The following ARIH2 variants were observed in gnomAD, a reference collection of about 807,000 sequenced individuals.
ARIH2 encodes the protein E3 ubiquitin-protein ligase ARIH2.
ARIH2 carries 12 observed loss-of-function variants against 79.8 expected under a neutral mutation model. The ratio of observed to expected loss-of-function variants is 0.15; its 90% CI spans 0.10 to 0.24. ARIH2 has a LOEUF of 0.24. Among genes scored for constraint, ARIH2 ranks in the 10% least tolerant of loss-of-function variants. The pLI, the probability that ARIH2 is intolerant of heterozygous loss-of-function variation, is 1.00. For missense variants in ARIH2, 301 were observed against 618.3 expected (o/e 0.49, Z 5.44); for synonymous variants, 224 against 213.9 (o/e 1.05, Z -0.41).
intron 5 of ARIH2, among the ~76,000 whole-genome samples, chr3:48,965,469 T>G (rs1470134028): frequency 6.6e-6 from 1 of 152,200 alleles, no homozygotes; most frequent in East Asian, 1.9e-4. Context: ...TCCTTATAGA[T>G]AGGGACTAAG....
intron 3 of ARIH2, among the ~76,000 whole-genome samples, chr3:48,952,407 A>G (rs1055133073): frequency 3.3e-5 from 5 of 152,210 alleles, no homozygotes; most frequent in Non-Finnish European, 7.3e-5. Flanking sequence ...TGGGTTTTAA[A>G]CAAGGTAGGA....
chr3:48,940,808 A>AAAAAAAAT lies in ARIH2; in HGVS notation c.255+12996_255+12997insAAAAAATA, dbSNP rs759369585. 2.7e-4 allele frequency among the ~76,000 whole-genome samples: 26 copies of AAAAAAAAT among 98,034 alleles called. 1 individual carries two copies. The highest frequency in any genetic ancestry group is 9.0e-4 in the African/African-American group (22 of 24,318). 64.3% of individuals were successfully genotyped at this position (98,034 alleles called of 152,430 possible). A position where few individuals can be genotyped will look rare whatever the true frequency, so the allele number is the denominator to read the frequency against. ...AGACTCCGTCTCAAAAAAAAAAAAAAATATATATATATATATATATAGCCA... is the reference window on the plus strand; with the variant it reads ...AGACTCCGTCTCAAAAAAAAAAAAAAAAAAAAATATATATATATATATATATATAGCCA... On this transcript the variant is annotated intron_variant, in intron 3 of 15. Transcript: ENST00000356401.
intron 5 of ARIH2, among the ~76,000 whole-genome samples, 186 bp downstream of exon 5, chr3:48,965,168 C>CA (rs1423723326): frequency 6.7e-6 from 1 of 149,658 alleles, no homozygotes; most frequent in Non-Finnish European, 1.5e-5. Context: ...TCCTGGCTAA[C>CA]ACGGTGAAAC....
At chr3:48,973,653 C>T (rs955414184) in intron 8 of ARIH2, 46 bp from the exon 9 acceptor site, 3 of 1,439,158 alleles carry the variant, frequency 2.1e-6, no homozygotes, top group Admixed American at 3.5e-5. Context: ...GAACATGGGA[C>T]CCTGACTTAA....
chr3:48,959,747 T>C (rs1398189629), intron 3 of ARIH2, among the ~76,000 whole-genome samples: 1 of 146,974 alleles, frequency 6.8e-6, no homozygotes, highest in Non-Finnish European at 1.5e-5. Flanking sequence ...GAGACCCCCA[T>C]CCTGAGTGAA....
chr3:48,922,428 C>G (rs1037540005), intron 1 of ARIH2: 5 of 151,952 alleles, frequency 3.3e-5, no homozygotes, highest in Non-Finnish European at 7.4e-5. Flanking sequence ...CTCAGCCTTC[C>G]GAGTAGCTGG....
chr3:48,977,361 A>G (rs934314820), intron 11 of ARIH2, among the ~76,000 whole-genome samples: 1 of 151,738 alleles, frequency 6.6e-6, no homozygotes, highest in Admixed American at 6.6e-5. Context: ...GGCTGAGTGC[A>G]GTGGTGCGAT....
chr3:48,964,643 A>G (rs571861147), intron 4 of ARIH2, among the ~76,000 whole-genome samples: 1 of 152,278 alleles, frequency 6.6e-6, no homozygotes, highest in South Asian at 2.1e-4. Flanking sequence ...ATTATCTTCC[A>G]GCTTATGGCT....
chr3:48,974,903 T>A, intron 10 of ARIH2, 36 bp downstream of exon 10: 1 of 1,614,170 alleles, frequency 6.2e-7, no homozygotes, highest in South Asian at 1.1e-5. Context: ...ATGTGTGACA[T>A]GGAAGCTTTG....
chr3:48,940,808 A>AATAT (rs1553702240), intron 3 of ARIH2, among the ~76,000 whole-genome samples: 4,218 of 97,788 alleles, frequency 0.043, 190 homozygotes, highest in African/African-American at 0.052. Flanking sequence ...AAAAAAAAAA[A>AATAT]ATATATATAT....
chr3:48,944,974 C>T (rs2088911006), intron 3 of ARIH2: 2 of 484,266 alleles, frequency 4.1e-6, no homozygotes, highest in Non-Finnish European at 7.2e-6. Context: ...TTCATTTCTG[C>T]TTTTTAGTGA....
chr3:48,970,002 A>G (rs1025935409), intron 7 of ARIH2, among the ~76,000 whole-genome samples: 2 of 151,032 alleles, frequency 1.3e-5, no homozygotes, highest in African/African-American at 4.9e-5. Flanking sequence ...GCGATTCTGC[A>G]GCCTCAGCCT....
rs2091978779 is a variant in ARIH2, at chr3:48,968,843, A to G, written c.660+188A>G. On this transcript the variant is annotated intron_variant, in intron 7 of 15. Transcript: ENST00000356401. Reference sequence around the variant, plus strand: ...TGAAGAGTACAGGCCTTAGAATCAGACACACCATTGTGTGAAACTTGGATA... The same window carrying G: ...TGAAGAGTACAGGCCTTAGAATCAGGCACACCATTGTGTGAAACTTGGATA... 5.3e-5 allele frequency among the ~76,000 whole-genome samples: 8 copies of G among 152,180 alleles called. No individual in the cohort carries two copies. The South Asian group carries it at 1.7e-3, about 32-fold the overall frequency.
At chr3:48,971,222 G>A (rs1173476818) in intron 8 of ARIH2, among the ~76,000 whole-genome samples, 1 of 152,102 alleles carries the variant, frequency 6.6e-6, no homozygotes, top group Non-Finnish European at 1.5e-5. Flanking sequence ...TATCACAACT[G>A]TATATGACCC....
chr3:48,949,033 A>G (rs1418027213), intron 3 of ARIH2: 6 of 456,606 alleles, frequency 1.3e-5, no homozygotes, highest in Middle Eastern at 6.5e-4. Flanking sequence ...CCAGGGCTTA[A>G]TATAGCCATG....
At chr3:48,954,221 C>T (rs550693576) in intron 3 of ARIH2, among the ~76,000 whole-genome samples, 82 of 152,018 alleles carry the variant, frequency 5.4e-4, no homozygotes, top group African/African-American at 2.0e-3. Flanking sequence ...TTTGGGAGGC[C>T]GAGGCAGGCG....
At position 48,961,826 on chromosome 3, in the gene ARIH2, T is replaced by C. The variant is rs944736111; in HGVS notation, c.323+147T>C. The C allele has an allele frequency of 5.2e-6, 3 of 575,940 alleles. No individual in the cohort carries two copies. The African/African-American group carries it at 5.6e-5, about 11-fold the overall frequency. The allele number at this position is 575,940 out of a possible 1,614,324, so 35.7% of individuals were successfully genotyped here. The stretch of plus-strand genomic sequence containing the variant: ...TTGGATTCTATTTTACATCCTCTTC[T>C]CTTAATATGTTGTGAACTTTCCCCA... On this transcript the variant is annotated intron_variant, in intron 4 of 15. Transcript: ENST00000356401.
At chr3:48,952,744 T>C (rs2090117895) in intron 3 of ARIH2, among the ~76,000 whole-genome samples, 1 of 152,020 alleles carries the variant, frequency 6.6e-6, no homozygotes, top group Admixed American at 6.6e-5. Context: ...GAGCACAGAG[T>C]ACCTGAACAG....
At chr3:48,926,989 G>C (rs2085714868) in intron 2 of ARIH2, 1 of 154,232 alleles carries the variant, frequency 6.5e-6, no homozygotes, top group African/African-American at 2.4e-5. Flanking sequence ...GTGAAACAGT[G>C]GTTTTCTTTT....
Sources: allele counts gnomAD v4.1 joint callset (sites outside exome capture counted in the v4.1 genomes callset), GRCh38; gene constraint gnomAD v4.1.1; transcripts MANE v1.5; gene names NCBI Gene and HGNC (gene_info 2026-07-23, HGNC 2026-07-21).